SPECC1: variants seen among roughly 807,000 people sequenced by gnomAD.
SPECC1 encodes the protein sperm antigen with calponin homology and coiled-coil domains 1.
SPECC1 carries 62 observed loss-of-function variants against 104.1 expected under a neutral mutation model. The ratio of observed to expected loss-of-function variants is 0.60; its 90% CI spans 0.49 to 0.74. SPECC1 has a LOEUF of 0.74. Ranked by LOEUF, SPECC1 falls within the 30% of genes least tolerant of loss-of-function variation. SPECC1 has a pLI of 0.00. For synonymous variants in SPECC1, 513 were observed against 501.6 expected, an observed-to-expected ratio of 1.02 and a Z score of -0.30; for missense variants, 1,306 against 1,310.5, an observed-to-expected ratio of 1.00 and a Z score of 0.05.
Position 20,314,701 on chromosome 17 carries a change from A to AC in SPECC1, c.*636_*637insC. 1.8e-5 allele frequency: 1 copy of AC among 55,498 alleles called. No homozygotes were observed. 3.4% of individuals were successfully genotyped at this position (55,498 alleles called of 1,614,324 possible). A position where few individuals can be genotyped will look rare whatever the true frequency, so the allele number is the denominator to read the frequency against. Reference sequence around the variant, plus strand: ...ACCCTCCCTTCCCCCCTCCCCCCCCAAAAAAAAACAACAAAACACAAAAAA... The same window carrying AC: ...ACCCTCCCTTCCCCCCTCCCCCCCCACAAAAAAAACAACAAAACACAAAAAA... On this transcript the variant is annotated 3_prime_UTR_variant, in exon 15 of 15. Coordinates refer to ENST00000395527, the MANE Select transcript of SPECC1 (RefSeq NM_001243439.2).
At chr17:20,081,749 T>C (rs2046984559) in intron 1 of SPECC1, among the ~76,000 whole-genome samples, 1 of 152,120 alleles carries the variant, frequency 6.6e-6, no homozygotes. Context: ...GTGATGTGTT[T>C]GTTGCTCTGA....
intron 3 of SPECC1, among the ~76,000 whole-genome samples, chr17:20,145,029 C>T (rs2031298801): frequency 6.6e-6 from 1 of 152,184 alleles, no homozygotes; most frequent in Non-Finnish European, 1.5e-5. Flanking sequence ...AAGATTCTCT[C>T]CTTAAAGATA....
chr17:20,271,649 G>A (rs993593900), intron 12 of SPECC1, among the ~76,000 whole-genome samples: 1 of 152,132 alleles, frequency 6.6e-6, no homozygotes, highest in African/African-American at 2.4e-5. Context: ...TGGAGCCTCT[G>A]ACCTCTTCCA....
intron 3 of SPECC1, among the ~76,000 whole-genome samples, chr17:20,165,114 T>C (rs1350773643): frequency 6.6e-6 from 1 of 152,170 alleles, no homozygotes; most frequent in Non-Finnish European, 1.5e-5. Flanking sequence ...ACGTGTGCCA[T>C]GGTGGTTTGC....
chr17:20,232,893 A>T (rs1470717273), intron 7 of SPECC1, among the ~76,000 whole-genome samples: 1 of 152,180 alleles, frequency 6.6e-6, no homozygotes, highest in Non-Finnish European at 1.5e-5. Flanking sequence ...AAAGGCCTTG[A>T]CATAACCTAT....
At chr17:20,054,124 C>G (rs913511584) in intron 1 of SPECC1, among the ~76,000 whole-genome samples, 12 of 152,170 alleles carry the variant, frequency 7.9e-5, no homozygotes, top group African/African-American at 2.9e-4. Flanking sequence ...TAACAAGTTT[C>G]TTGCCTCCAG....
At chr17:20,079,704 C>T (rs1332429228) in intron 1 of SPECC1, among the ~76,000 whole-genome samples, 2 of 152,090 alleles carry the variant, frequency 1.3e-5, no homozygotes, top group Non-Finnish European at 1.5e-5. Flanking sequence ...CCTAGGGAGA[C>T]AAGGGTGAGC....
intron 7 of SPECC1, chr17:20,237,255 G>A: frequency 8.4e-7 from 1 of 1,188,512 alleles, no homozygotes; most frequent in Non-Finnish European, 1.0e-6. Flanking sequence ...GCAGAGCTGG[G>A]TACAGCGCAG....
At chr17:20,139,667 T>C (rs549583207) in intron 3 of SPECC1, among the ~76,000 whole-genome samples, 1 of 152,030 alleles carries the variant, frequency 6.6e-6, no homozygotes, top group Non-Finnish European at 1.5e-5. Flanking sequence ...CTTACACTTC[T>C]TATTTATTTA....
At chr17:20,209,852 A>G (rs2037020884) in intron 4 of SPECC1, among the ~76,000 whole-genome samples, 1 of 152,198 alleles carries the variant, frequency 6.6e-6, no homozygotes, top group Non-Finnish European at 1.5e-5. Flanking sequence ...TCAAGTTAGA[A>G]TATCTTTTCT....
In SPECC1 at chr17:20,267,634, G is replaced by A. The variant is rs551757591; in HGVS notation, c.2940+7340G>A. Reference sequence around the variant, plus strand: ...GATTGTTCTTGGTGGTTTGAAGAGGGAGGGGGCACGTGAGAAGGAGCCAAG... The same window carrying A: ...GATTGTTCTTGGTGGTTTGAAGAGGAAGGGGGCACGTGAGAAGGAGCCAAG... On this transcript the variant is annotated intron_variant, in intron 12 of 14. Transcript: ENST00000395527. Among the ~76,000 whole-genome samples the A allele has an allele frequency of 1.2e-4, 18 of 152,240 alleles. No homozygotes were observed. In the South Asian group the frequency reaches 1.7e-3, roughly 14 times the overall value.
At chr17:20,048,856 C>T (rs1174359600) in intron 1 of SPECC1, among the ~76,000 whole-genome samples, 2 of 151,874 alleles carry the variant, frequency 1.3e-5, no homozygotes, top group Non-Finnish European at 1.5e-5. Flanking sequence ...CATACCATGG[C>T]ATTCCAGCCT....
Position 20,044,642 on chromosome 17 carries a change from A to G in SPECC1, c.-22+35218A>G, listed in dbSNP as rs368058103. ...GGCCATTATGAGTAGCAACAAAGGA[A>G]GCCTAGTGTCAGGTCCTAGGGTTTG... On this transcript the variant is annotated intron_variant, in intron 1 of 14. Coordinates refer to ENST00000395527, the MANE Select transcript of SPECC1 (RefSeq NM_001243439.2). Among the ~76,000 whole-genome samples the G allele has an allele frequency of 8.5e-5, 13 of 152,336 alleles. No homozygotes were observed. The South Asian group carries it at 2.7e-3, about 32-fold the overall frequency.
chr17:20,080,538 G>T (rs1268693943), intron 1 of SPECC1, among the ~76,000 whole-genome samples: 1 of 152,022 alleles, frequency 6.6e-6, no homozygotes, highest in Non-Finnish European at 1.5e-5. Context: ...ATGGCTTGGG[G>T]CAGAGGAGCA....
intron 3 of SPECC1, among the ~76,000 whole-genome samples, chr17:20,137,705 G>T (rs946155556): frequency 2.6e-5 from 4 of 151,870 alleles, no homozygotes; most frequent in Admixed American, 2.6e-4. Context: ...TAACTCCATT[G>T]CCCAGGCTGG....
intron 3 of SPECC1, among the ~76,000 whole-genome samples, chr17:20,133,134 C>G (rs1474027147): frequency 6.6e-6 from 1 of 152,014 alleles, no homozygotes; most frequent in African/African-American, 2.4e-5. Context: ...CATTGGTAAT[C>G]TGTATATTCT....
chr17:20,290,479 GCAC>G (rs1243568396), intron 12 of SPECC1: 2 of 151,444 alleles, frequency 1.3e-5, no homozygotes, highest in African/African-American at 4.9e-5. Context: ...CTACAGACAT[GCAC>G]CACCACACTT....
chr17:20,156,251 C>A, intron 3 of SPECC1: 2 of 1,344,306 alleles, frequency 1.5e-6, no homozygotes, highest in Non-Finnish European at 1.9e-6. Context: ...GTGCGGCTGG[C>A]GGGGGTCGCG....
chr17:20,109,829 T>A (rs1159093360), intron 2 of SPECC1, among the ~76,000 whole-genome samples: 1 of 152,054 alleles, frequency 6.6e-6, no homozygotes, highest in African/African-American at 2.4e-5. Flanking sequence ...ATTCTTTTTT[T>A]CCCCCACCAG....
Sources: allele counts gnomAD v4.1 joint callset (sites outside exome capture counted in the v4.1 genomes callset), GRCh38; gene constraint gnomAD v4.1.1; transcripts MANE v1.5; gene names NCBI Gene and HGNC (gene_info 2026-07-23, HGNC 2026-07-21).